Variants in PUDP observed in about 807,000 individuals in gnomAD.
PUDP encodes the protein pseudouridine 5'-phosphatase.
Under a neutral mutation model 9.4 loss-of-function variants are expected in PUDP, and 8 were observed. That is an observed-to-expected ratio of 0.85 (90% CI 0.50 to 1.53). The LOEUF (loss-of-function observed/expected upper bound fraction) is 1.53. Ranked by LOEUF, PUDP falls within the 40% of genes most tolerant of loss-of-function variation. The probability of loss-of-function intolerance (pLI) is 0.00; values close to 1 mark genes in which losing one functional copy is unlikely to be tolerated. For missense variants in PUDP, 188 were observed against 189.7 expected (o/e 0.99, Z 0.05); for synonymous variants, 99 against 80.7 (o/e 1.23, Z -1.22).
At chrX:6,795,184 T>C (rs1352658984) in intron 3 of PUDP, among the ~76,000 whole-genome samples, 1 of 111,351 alleles carries the variant, frequency 9.0e-6, no homozygotes, top group Non-Finnish European at 1.9e-5. Flanking sequence ...CTGCATCGTA[T>C]ATGTGGTCTG....
intron 3 of PUDP, among the ~76,000 whole-genome samples, chrX:6,968,510 T>TG (rs1337833026): frequency 9.0e-6 from 1 of 111,228 alleles, no homozygotes; most frequent in Non-Finnish European, 1.9e-5. Context: ...GAGCTGATGG[T>TG]GGGGCCGATC....
In PUDP at chrX:6,755,641, G is replaced by A. The variant is rs138098842; in HGVS notation, c.*248-49175C>T. Among the ~76,000 whole-genome samples the A allele has an allele frequency of 2.8e-4, 31 of 111,132 alleles. No individual in the cohort carries two copies. In the East Asian group the frequency reaches 8.2e-3, roughly 29 times the overall value. The stretch of plus-strand genomic sequence containing the variant: ...ATAGCTAACAGGGTGGATGTTGGTC[G>A]CATTCATGGAGAAATGAGTCAGAGG... On this transcript the variant is annotated intron_variant and NMD_transcript_variant, in intron 3 of 3. Transcript: ENST00000655425.
intron 3 of PUDP, among the ~76,000 whole-genome samples, chrX:6,877,612 T>C (rs763747075): frequency 9.0e-5 from 10 of 111,524 alleles, no homozygotes; most frequent in Non-Finnish European, 1.7e-4. Flanking sequence ...ATGAGTGTCA[T>C]TGATTCAGCC....
At chrX:6,841,769 T>C (rs1481018416) in intron 3 of PUDP, among the ~76,000 whole-genome samples, 1 of 112,029 alleles carries the variant, frequency 8.9e-6, no homozygotes, top group Non-Finnish European at 1.9e-5. Flanking sequence ...TTTCTTTCTT[T>C]GTTTTTTTCT....
At chrX:6,820,375 C>A (rs111422311) in intron 3 of PUDP, among the ~76,000 whole-genome samples, 140 of 110,837 alleles carry the variant, frequency 1.3e-3, no homozygotes, top group African/African-American at 4.4e-3. Flanking sequence ...CATTTCGAAA[C>A]GAATCATGCC....
At chrX:7,092,806 T>C (rs1931462870) in intron 2 of PUDP, among the ~76,000 whole-genome samples, 1 of 111,663 alleles carries the variant, frequency 9.0e-6, no homozygotes, top group Admixed American at 9.5e-5. Context: ...TCTTCCCTGA[T>C]AAGAGTGTAT....
intron 1 of PUDP, among the ~76,000 whole-genome samples, chrX:7,114,060 CTCTCTTTT>C (rs1426619578): frequency 4.4e-5 from 4 of 90,266 alleles, no homozygotes; most frequent in Non-Finnish European, 9.0e-5. Context: ...CTCTCTCTCT[CTCTCTTTT>C]TCTTTTTTTC....
intron 3 of PUDP, among the ~76,000 whole-genome samples, chrX:6,786,979 T>A (rs1360743740): frequency 1.8e-5 from 2 of 110,656 alleles, no homozygotes; most frequent in African/African-American, 6.6e-5. Context: ...CTTCTCTTTC[T>A]CCTCTCTCTG....
chrX:7,020,306 C>A (rs1227374311), intron 1 of PUDP, among the ~76,000 whole-genome samples: 4 of 100,235 alleles, frequency 4.0e-5, no homozygotes, highest in Non-Finnish European at 8.0e-5. Context: ...CTCAGGTGAC[C>A]ATGCTGGGTC....
chrX:6,777,190 T>C (rs1925480131), intron 3 of PUDP, among the ~76,000 whole-genome samples: 1 of 112,484 alleles, frequency 8.9e-6, no homozygotes, highest in Non-Finnish European at 1.9e-5. Flanking sequence ...TTCCTTGCTA[T>C]TTATGATGCT....
intron 2 of PUDP, among the ~76,000 whole-genome samples, chrX:7,097,288 T>C (rs1342423998): frequency 4.5e-5 from 5 of 111,909 alleles, no homozygotes; most frequent in African/African-American, 6.5e-5. Flanking sequence ...GCTCAACTCA[T>C]AGAGCCACAA....
At chrX:6,895,854 G>A (rs1369502094) in intron 3 of PUDP, among the ~76,000 whole-genome samples, 1 of 110,976 alleles carries the variant, frequency 9.0e-6, no homozygotes, top group Non-Finnish European at 1.9e-5. Flanking sequence ...GTCTGGTGGG[G>A]ACTCGCTTCC....
Position 7,081,405 on chromosome X carries a change from G to A in PUDP, c.281-3956C>T, listed in dbSNP as rs1466998424. Among the ~76,000 whole-genome samples the A allele has an allele frequency of 7.1e-5, 8 of 111,923 alleles. No homozygotes were observed. The South Asian group carries it at 2.2e-3, about 31-fold the overall frequency. Reference sequence around the variant, plus strand: ...CTGCTTCAAGTAATCCTCTTGCCTCGGCCTCTCAAAGCCCTGGGCTTAGAG... The same window carrying A: ...CTGCTTCAAGTAATCCTCTTGCCTCAGCCTCTCAAAGCCCTGGGCTTAGAG... On this transcript the variant is annotated intron_variant, in intron 2 of 3. Transcript: ENST00000381077.
chrX:6,757,609 T>C (rs903403950), intron 3 of PUDP, among the ~76,000 whole-genome samples: 3 of 111,966 alleles, frequency 2.7e-5, no homozygotes, highest in Non-Finnish European at 5.6e-5. Context: ...CAATGGGCTA[T>C]ATATTTTTCA....
At chrX:6,760,703 T>C (rs1044269762) in intron 3 of PUDP, among the ~76,000 whole-genome samples, 1 of 112,297 alleles carries the variant, frequency 8.9e-6, no homozygotes, top group African/African-American at 3.2e-5. Context: ...ATGACATTCT[T>C]ATTCTTTTTT....
In PUDP at chrX:7,023,035, A is replaced by G. The variant is rs12688329; in HGVS notation, c.205-44692T>C. Among the ~76,000 whole-genome samples the G allele has an allele frequency of 1.7e-4, 19 of 111,531 alleles. No homozygotes were observed. The East Asian group carries it at 2.5e-3, about 15-fold the overall frequency. ...ATGGTGCTCACACAGGGCTGGAAAG[A>G]GTGCCTGTTTCCACCAGCCAGACTG... On this transcript the variant is annotated intron_variant and NMD_transcript_variant, in intron 1 of 3. Coordinates refer to the PUDP transcript ENST00000655425.
chrX:7,147,632 G>C (rs1156282858), intron 1 of PUDP, among the ~76,000 whole-genome samples: 1 of 112,286 alleles, frequency 8.9e-6, no homozygotes, highest in Non-Finnish European at 1.9e-5. Context: ...CTTTGCAGAC[G>C]GGGAAGCTGA....
intron 3 of PUDP, among the ~76,000 whole-genome samples, chrX:6,751,629 A>G (rs5948749): frequency 9.1e-6 from 1 of 109,793 alleles, no homozygotes; most frequent in Non-Finnish European, 1.9e-5. Context: ...TCATTTTTCA[A>G]GATAAAAAGT....
Position 7,049,642 on chromosome X carries a change from A to C in PUDP, c.*654T>G, listed in dbSNP as rs1335333345. ...AAATGTTAGCTAACAAGGAGTGCTC[A>C]TCAAAAACAGGACTTTCCCACTCAG... On this transcript the variant is annotated 3_prime_UTR_variant, in exon 4 of 4. Transcript: ENST00000381077. 8.9e-6 allele frequency: 1 copy of C among 112,331 alleles called. No homozygotes were observed. The highest frequency in any genetic ancestry group is 1.9e-5 in the Non-Finnish European group (1 of 53,284). The allele number at this position is 112,331 out of a possible 1,213,427, so 9.3% of individuals were successfully genotyped here. A position where few individuals can be genotyped will look rare whatever the true frequency, so the allele number is the denominator to read the frequency against.
Sources: allele counts gnomAD v4.1 joint callset (sites outside exome capture counted in the v4.1 genomes callset), GRCh38; gene constraint gnomAD v4.1.1; transcripts MANE v1.5; gene names NCBI Gene and HGNC (gene_info 2026-07-23, HGNC 2026-07-21).